Variants in SDK1 observed in about 807,000 individuals in gnomAD.
The protein encoded by SDK1 is sidekick cell adhesion molecule 1.
SDK1 carries 157 observed loss-of-function variants against 245.5 expected under a neutral mutation model. The observed-to-expected ratio is 0.64, with a 90% CI of 0.56 to 0.73. SDK1 has a LOEUF of 0.73. Among genes scored for constraint, SDK1 ranks in the 30% least tolerant of loss-of-function variants. SDK1 has a pLI of 0.00. For missense variants in SDK1, 3,583 were observed against 3,002.3 expected, an observed-to-expected ratio of 1.19 and a Z score of -4.52; for synonymous variants, 1,647 against 1,278.5, an observed-to-expected ratio of 1.29 and a Z score of -6.15.
chr7:4,186,189 G>A (rs1187550816), intron 35 of SDK1, among the ~76,000 whole-genome samples: 9 of 152,238 alleles, frequency 5.9e-5, no homozygotes, highest in Admixed American at 1.3e-4. Context: ...CACGCTGACC[G>A]AAAACTGATT....
At chr7:3,769,126 G>A (rs1780335697) in intron 4 of SDK1, among the ~76,000 whole-genome samples, 2 of 152,274 alleles carry the variant, frequency 1.3e-5, no homozygotes, top group East Asian at 1.9e-4. Context: ...CTTTTAAGAA[G>A]TAATACAGAG....
In SDK1 at chr7:4,268,982, C is replaced by A; in HGVS notation, c.*3598C>A. Reference sequence around the variant, plus strand: ...CTATGGGTACAATTTTTAATAAAAACATTATTTTGTTCCTTAAACGCTTGT... The same window carrying A: ...CTATGGGTACAATTTTTAATAAAAAAATTATTTTGTTCCTTAAACGCTTGT... On this transcript the variant is annotated 3_prime_UTR_variant, in exon 45 of 45. Transcript: ENST00000404826. 3.6e-6 allele frequency: 1 copy of A among 279,726 alleles called. No individual in the cohort carries two copies. Among genetic ancestry groups the A allele is most frequent in the Non-Finnish European group, 7.2e-6 (1 of 138,190 alleles). 17.3% of individuals were successfully genotyped at this position (279,726 alleles called of 1,614,324 possible). A position where few individuals can be genotyped will look rare whatever the true frequency, so the allele number is the denominator to read the frequency against.
intron 1 of SDK1, among the ~76,000 whole-genome samples, chr7:3,441,841 G>T (rs1255137066): frequency 1.3e-5 from 2 of 152,070 alleles, no homozygotes; most frequent in African/African-American, 2.4e-5. Flanking sequence ...CAGTGTCACC[G>T]ATCATAAACC....
intron 4 of SDK1, among the ~76,000 whole-genome samples, chr7:3,687,669 C>T (rs1326168092): frequency 1.3e-5 from 2 of 152,122 alleles, no homozygotes; most frequent in Non-Finnish European, 2.9e-5. Flanking sequence ...GTGGGAATGA[C>T]AGAATTATCA....
rs141725684 is a variant in SDK1 at position 3,520,353 on chromosome 7, T to G, written c.299-98727T>G. 9.2e-5 allele frequency among the ~76,000 whole-genome samples: 14 copies of G among 152,320 alleles called. No individual in the cohort carries two copies. In the East Asian group the frequency reaches 2.7e-3, roughly 29 times the overall value. On this transcript the variant is annotated intron_variant, in intron 1 of 44. Transcript: ENST00000404826. ...GGTAAGAACATCCTGTGCAGCTCTC[T>G]GTTTGCTCTATTGAGTCCTTGTATG...
rs748682138 is a variant in SDK1 at position 4,205,867 on chromosome 7, C to T, written c.5099-12C>T. The T allele has an allele frequency of 3.9e-6, 6 of 1,548,622 alleles. No homozygotes were observed. The highest frequency in any genetic ancestry group is 5.2e-6 in the Non-Finnish European group (6 of 1,144,312). ...AACGTCTCAGCTTCTCTCCGCATTG[C>T]TCTTTCCTCAGCCCCGGCCATGGCC... is the stretch of plus-strand genomic sequence containing the variant. On this transcript the variant is annotated splice_polypyrimidine_tract_variant and intron_variant, in intron 35 of 44. Coordinates refer to ENST00000404826, the MANE Select transcript of SDK1 (RefSeq NM_152744.4).
chr7:3,433,358 G>C (rs1288055129), intron 1 of SDK1, among the ~76,000 whole-genome samples: 1 of 152,206 alleles, frequency 6.6e-6, no homozygotes, highest in Admixed American at 6.5e-5. Flanking sequence ...CTTGAGAGGA[G>C]GGGTTGAAGT....
Position 4,210,327 on chromosome 7 carries a change from C to T in SDK1, c.5539+165C>T, listed in dbSNP as rs181411663. On this transcript the variant is annotated intron_variant, in intron 38 of 44. Coordinates refer to ENST00000404826, the MANE Select transcript of SDK1 (RefSeq NM_152744.4). ...AGCTGGACGGGGCTGGAGCTGAGTG[C>T]GAGGGGAGCGGGGACTCGCGGGGAA... Among the ~76,000 whole-genome samples the T allele has an allele frequency of 1.7e-4, 26 of 152,140 alleles. No homozygotes were observed. In the East Asian group the frequency reaches 4.6e-3, roughly 27 times the overall value.
chr7:3,462,379 C>T (rs940445375), intron 1 of SDK1, among the ~76,000 whole-genome samples: 2 of 152,134 alleles, frequency 1.3e-5, no homozygotes, highest in Non-Finnish European at 2.9e-5. Flanking sequence ...CATTGTCTAC[C>T]TATTATTGAA....
intron 19 of SDK1, among the ~76,000 whole-genome samples, chr7:4,058,444 T>A (rs994985920): frequency 6.6e-6 from 1 of 152,214 alleles, no homozygotes; most frequent in African/African-American, 2.4e-5. Flanking sequence ...AACAAAATAA[T>A]GGCTGAAACC....
chr7:3,571,577 T>G (rs577856437), intron 1 of SDK1, among the ~76,000 whole-genome samples: 2 of 152,208 alleles, frequency 1.3e-5, no homozygotes, highest in South Asian at 4.1e-4. Context: ...AGTGTGAGAT[T>G]ACAGGTGTGA....
chr7:3,602,975 A>G (rs537766195), intron 1 of SDK1, among the ~76,000 whole-genome samples: 3 of 152,306 alleles, frequency 2.0e-5, no homozygotes, highest in Admixed American at 6.5e-5. Flanking sequence ...TTTGTCAAAG[A>G]TCAGATAGTT....
At chr7:3,531,193 A>G (rs535039889) in intron 1 of SDK1, among the ~76,000 whole-genome samples, 1 of 152,194 alleles carries the variant, frequency 6.6e-6, no homozygotes. Context: ...GTTGATCTTC[A>G]GTGTGGAACT....
At chr7:4,125,947 C>G (rs926758255) in intron 25 of SDK1, among the ~76,000 whole-genome samples, 1 of 152,182 alleles carries the variant, frequency 6.6e-6, no homozygotes, top group Non-Finnish European at 1.5e-5. Context: ...CGGCCTTACT[C>G]CATCACTCCA....
chr7:3,779,072 T>C (rs1425469440), intron 4 of SDK1, among the ~76,000 whole-genome samples: 1 of 152,220 alleles, frequency 6.6e-6, no homozygotes. Flanking sequence ...ATTATGGATG[T>C]TCCTTTTTTA....
At chr7:3,999,335 G>C (rs1041777834) in intron 14 of SDK1, among the ~76,000 whole-genome samples, 2 of 152,218 alleles carry the variant, frequency 1.3e-5, no homozygotes, top group African/African-American at 4.8e-5. Context: ...ACCAGGAAGA[G>C]CGTGAGGTCC....
intron 22 of SDK1, among the ~76,000 whole-genome samples, chr7:4,087,528 G>A (rs982218743): frequency 2.6e-5 from 4 of 151,552 alleles, no homozygotes; most frequent in South Asian, 4.2e-4. Flanking sequence ...GGATTTTCCC[G>A]GCCACTCTTG....
chr7:3,667,102 A>T (rs1444613003), intron 4 of SDK1, among the ~76,000 whole-genome samples: 1 of 152,180 alleles, frequency 6.6e-6, no homozygotes, highest in Non-Finnish European at 1.5e-5. Flanking sequence ...ATCCCAATGA[A>T]TTGTGACATA....
chr7:3,643,387 C>T (rs1344711075), intron 4 of SDK1: 1 of 150,530 alleles, frequency 6.6e-6, no homozygotes, highest in Non-Finnish European at 1.5e-5. Flanking sequence ...ACCTGAGCAT[C>T]TGTGGAATCC....
Sources: gnomAD v4.1 joint callset for allele counts (sites outside exome capture counted in the v4.1 genomes callset) on GRCh38, gnomAD v4.1.1 for gene constraint, MANE v1.5 for transcripts, NCBI Gene and HGNC (gene_info 2026-07-23, HGNC 2026-07-21) for gene names.